The following MITD1 variants were observed in gnomAD, a reference collection of about 807,000 sequenced individuals.
MITD1 encodes microtubule interacting and trafficking domain containing 1.
Under a neutral mutation model 34.9 loss-of-function variants are expected in MITD1, and 24 were observed. The ratio of observed to expected loss-of-function variants is 0.69; its 90% confidence interval spans 0.50 to 0.97. The LOEUF is 0.97. Ranked by LOEUF, MITD1 falls within the 50% of genes least tolerant of loss-of-function variation. MITD1 has a pLI of 0.00. For missense variants in MITD1, 266 were observed against 294.6 expected (o/e 0.90, Z 0.71); for synonymous variants, 102 against 101.4 (o/e 1.01, Z -0.04).
At chr2:99,177,421 T>C (rs1276688150) in intron 1 of MITD1, among the ~76,000 whole-genome samples, 1 of 152,228 alleles carries the variant, frequency 6.6e-6, no homozygotes, top group Non-Finnish European at 1.5e-5. Context: ...AAGGTTTTAT[T>C]AATTTTAATT....
chr2:99,166,874 TATATATATATATATATATATATAA>T (rs1316119048), downstream of MITD1, among the ~76,000 whole-genome samples: 4 of 131,058 alleles, frequency 3.1e-5, 1 homozygote, highest in African/African-American at 1.3e-4. Context: ...TATATATATA[TATATATATATATATATATATATAA>T]ATTTTTCATT....
intron 2 of MITD1, 155 bp from the exon 3 acceptor site, chr2:99,171,801 A>G: frequency 1.5e-6 from 1 of 686,534 alleles, no homozygotes; most frequent in East Asian, 2.8e-5. Context: ...TATCATATAC[A>G]TTGCAGGATG....
downstream of MITD1, among the ~76,000 whole-genome samples, chr2:99,166,413 A>C (rs2093826926): frequency 6.6e-6 from 1 of 150,978 alleles, no homozygotes; most frequent in South Asian, 2.1e-4. Context: ...CTTAGCAAAA[A>C]CGATTTCAGT....
At chr2:99,178,924 G>A (rs947153684) in intron 1 of MITD1, among the ~76,000 whole-genome samples, 4 of 151,908 alleles carry the variant, frequency 2.6e-5, no homozygotes, top group Admixed American at 1.3e-4. Context: ...TACTTATTTC[G>A]TAAGACAGCA....
intron 1 of MITD1, among the ~76,000 whole-genome samples, chr2:99,176,558 C>T (rs1180604291): frequency 6.6e-6 from 1 of 151,958 alleles, no homozygotes; most frequent in Non-Finnish European, 1.5e-5. Flanking sequence ...AACTCCTGAC[C>T]TCAAGCAATC....
chr2:99,176,755 T>C (rs1559182322), intron 1 of MITD1, among the ~76,000 whole-genome samples: 1 of 152,128 alleles, frequency 6.6e-6, no homozygotes, highest in Non-Finnish European at 1.5e-5. Context: ...CCCAAGACAA[T>C]TATTTTTCCA....
At chr2:99,164,686 A>G (rs1217837050), downstream of MITD1, among the ~76,000 whole-genome samples, 1 of 152,140 alleles carries the variant, frequency 6.6e-6, no homozygotes, top group Admixed American at 6.5e-5. Flanking sequence ...TTTAATGGGC[A>G]GGTCCTTTTG....
exon 8 of MITD1, chr2:99,161,971 T>C: frequency 2.5e-6 from 4 of 1,598,294 alleles, no homozygotes; most frequent in Non-Finnish European, 3.4e-6. Context: ...CTGATCCCAT[T>C]TTCAATGAAG....
chr2:99,177,279 C>G (rs1033398832), intron 1 of MITD1, among the ~76,000 whole-genome samples: 1 of 152,140 alleles, frequency 6.6e-6, no homozygotes, highest in Non-Finnish European at 1.5e-5. Flanking sequence ...AGGCTTGGAC[C>G]CTTACAGCCA....
chr2:99,171,713 A>G, intron 2 of MITD1, 67 bp from the exon 3 acceptor site: 2 of 1,447,194 alleles, frequency 1.4e-6, no homozygotes, highest in Non-Finnish European at 1.9e-6. Flanking sequence ...TATATTTTAT[A>G]TAGAGTGATT....
chr2:99,164,040 A>G (rs572289605), intron 7 of MITD1, among the ~76,000 whole-genome samples: 2 of 151,872 alleles, frequency 1.3e-5, no homozygotes, highest in African/African-American at 2.4e-5. Context: ...TTGATTTTCT[A>G]CTCTTTTTGG....
Position 99,162,273 on chromosome 2 carries a change from G to A in MITD1, c.*4-55C>T, listed in dbSNP as rs1368952585. The A allele has an allele frequency of 6.2e-7, 1 of 1,612,702 alleles. No individual in the cohort carries two copies. The highest frequency in any genetic ancestry group is 1.3e-5 in the African/African-American group (1 of 75,020). On this transcript the variant is annotated intron_variant, in intron 7 of 7. Coordinates refer to the MITD1 transcript ENST00000422537. ...TCGGAGAAGAAGTGGAGGAGGAACAGTCTACCATGATATGGGTAATATCAA... is the reference window on the plus strand; with the variant it reads ...TCGGAGAAGAAGTGGAGGAGGAACAATCTACCATGATATGGGTAATATCAA...
intron 1 of MITD1, among the ~76,000 whole-genome samples, chr2:99,180,393 C>T (rs1222127531): frequency 1.3e-5 from 2 of 152,166 alleles, no homozygotes; most frequent in Non-Finnish European, 2.9e-5. Flanking sequence ...GACATCATAG[C>T]ATCTCTTTCT....
intron 2 of MITD1, chr2:99,172,754 G>A (rs1179615918): frequency 6.6e-6 from 1 of 151,874 alleles, no homozygotes. Context: ...TTGGCGGCGG[G>A]TGCCTGTAGT....
At chr2:99,179,812 C>T (rs901275578) in intron 1 of MITD1, among the ~76,000 whole-genome samples, 2 of 152,140 alleles carry the variant, frequency 1.3e-5, no homozygotes, top group Non-Finnish European at 2.9e-5. Flanking sequence ...CCACCTGCCT[C>T]GGCCTCCCAA....
rs1439574692 is a variant in MITD1 at position 99,162,972 on chromosome 2, A to G, written c.*4-754T>C. The G allele has an allele frequency of 2.5e-6, 4 of 1,613,814 alleles. No homozygotes were observed. The highest frequency in any genetic ancestry group is 3.4e-6 in the Non-Finnish European group (4 of 1,179,948). ...TCTTATTGGCAGTAAGTTTTGCCCAACTGAAACTACCATGCTAACAAATAT... is the reference window on the plus strand; with the variant it reads ...TCTTATTGGCAGTAAGTTTTGCCCAGCTGAAACTACCATGCTAACAAATAT... On this transcript the variant is annotated intron_variant, in intron 7 of 7. Coordinates refer to the MITD1 transcript ENST00000422537.
In MITD1 at chr2:99,170,596, C is replaced by G. The variant is rs1320725277; in HGVS notation, c.534G>C (p.Arg178Ser). ...GAACTTCCAACAGCACTCCGTGACTCCTGAGTGACTCTTCTATTTCTTGCA... is the reference window on the plus strand; with the variant it reads ...GAACTTCCAACAGCACTCCGTGACTGCTGAGTGACTCTTCTATTTCTTGCA... ...RGLQEIEESL[R>S]SHGVLLEVQY... Residue 178 changes from arginine (R) to serine (S), a missense_variant, in exon 5 of 7, where the codon AGG becomes AGC. By Grantham distance (110) the Arg-to-Ser change is moderately radical. Transcript: ENST00000289359. The G allele has an allele frequency of 6.2e-7, 1 of 1,609,256 alleles. No individual in the cohort carries two copies. Among genetic ancestry groups the G allele is most frequent in the South Asian group, 1.1e-5 (1 of 90,724 alleles).
intron 2 of MITD1, 123 bp from the exon 3 acceptor site, chr2:99,171,769 T>TA: frequency 1.1e-6 from 1 of 911,818 alleles, no homozygotes; most frequent in Non-Finnish European, 1.6e-6. Flanking sequence ...ATTCAGCAAA[T>TA]ACTTATTGAA....
intron 1 of MITD1, among the ~76,000 whole-genome samples, chr2:99,179,861 GC>G (rs1333434205): frequency 6.6e-6 from 1 of 152,124 alleles, no homozygotes; most frequent in African/African-American, 2.4e-5. Flanking sequence ...ACCGCGCCCG[GC>G]CGGTAGAGTT....
Sources: allele counts gnomAD v4.1 joint callset (sites outside exome capture counted in the v4.1 genomes callset), GRCh38; gene constraint gnomAD v4.1.1; transcripts MANE v1.5; gene names NCBI Gene and HGNC (gene_info 2026-07-23, HGNC 2026-07-21).